Variants in RGPD3 observed in about 807,000 individuals in gnomAD.
RGPD3 encodes RANBP2 like and GRIP domain containing 3.
A neutral mutation model predicts 154.5 loss-of-function variants in RGPD3; 62 were observed. That is an observed-to-expected ratio of 0.40 (90% CI 0.33 to 0.50). The LOEUF (loss-of-function observed/expected upper bound fraction) is 0.50, where lower values mean the gene tolerates loss of function less well. Among genes scored for constraint, RGPD3 ranks in the 20% least tolerant of loss-of-function variants. RGPD3 has a pLI of 0.59. For missense variants in RGPD3, 919 were observed against 1,716.8 expected (o/e 0.54, Z 8.21); for synonymous variants, 308 against 607.0 (o/e 0.51, Z 7.24).
Position 106,424,251 on chromosome 2 carries a change from T to C in RGPD3, c.3716A>G (p.Asn1239Ser), listed in dbSNP as rs758691149. The C allele has an allele frequency of 8.0e-5, 129 of 1,611,908 alleles. No individual in the cohort carries two copies. The African/African-American group carries it at 1.5e-3, about 19-fold the overall frequency. Residue 1239 changes from asparagine to serine, a missense_variant, in exon 20 of 23, where the codon AAT becomes AGT. Transcript: ENST00000409886. ...AGASDTTIKP[N>S]AENTGPTLEW... is the part of the protein sequence containing the mutation. ...TAATGTGGGCCCAGTGTTTTCAGCA[T>C]TGGGTTTTATTGTTGTGTCTGAGGC...
In RGPD3 at chr2:106,418,224, C is replaced by T. The variant is rs369504160; in HGVS notation, c.4925-2235G>A. On this transcript the variant is annotated intron_variant, in intron 20 of 22. Coordinates refer to ENST00000409886, the MANE Select transcript of RGPD3 (RefSeq NM_001144013.2). ...ATAAATTAATTGCTACTAGCTAAGA[C>T]AAACTGTTAGATAACACAGCTCATA... is the stretch of plus-strand genomic sequence containing the variant. Among the ~76,000 whole-genome samples the T allele has an allele frequency of 8.3e-3, 1,064 of 127,472 alleles. 20 individuals are homozygous for T. The highest frequency in any genetic ancestry group is 0.031 in the East Asian group (64 of 2,044). 83.6% of individuals were successfully genotyped at this position (127,472 alleles called of 152,430 possible).
At chr2:106,447,642 T>C (rs2104497962) in intron 6 of RGPD3, 29 bp from the exon 7 acceptor site, 1 of 100,186 alleles carries the variant, frequency 1.0e-5, no homozygotes, top group East Asian at 3.1e-4. Context: ...AAACAGATGA[T>C]ACACACTTAC....
chr2:106,421,200 A>G (rs1676975816), intron 20 of RGPD3, among the ~76,000 whole-genome samples: 1 of 152,078 alleles, frequency 6.6e-6, no homozygotes. Context: ...TCATGTCTAA[A>G]GTCTTCATTT....
chr2:106,414,892 T>C (rs1676778170), intron 21 of RGPD3, among the ~76,000 whole-genome samples: 2 of 152,040 alleles, frequency 1.3e-5, no homozygotes, highest in Non-Finnish European at 1.5e-5. Context: ...GGGAAAAGCA[T>C]GTACTTTTCA....
At chr2:106,413,399 A>G (rs1676731684) in intron 21 of RGPD3, 114 bp from the exon 22 acceptor site, 1 of 1,215,292 alleles carries the variant, frequency 8.2e-7, no homozygotes, top group Non-Finnish European at 1.2e-6. Flanking sequence ...TTCCCTCCAT[A>G]TGGCAATAAA....
intron 6 of RGPD3, among the ~76,000 whole-genome samples, chr2:106,451,142 T>G (rs1309160024): frequency 2.0e-5 from 3 of 148,496 alleles, no homozygotes; most frequent in African/African-American, 7.5e-5. Context: ...GGAACCCACA[T>G]ACAAACATCT....
Position 106,413,295 on chromosome 2 carries a change from G to A in RGPD3, c.5065-10C>T, listed in dbSNP as rs1676729291. The A allele has an allele frequency of 6.2e-7, 1 of 1,611,610 alleles. No individual in the cohort carries two copies. The highest frequency in any genetic ancestry group is 1.3e-5 in the African/African-American group (1 of 74,786). On this transcript the variant is annotated splice_polypyrimidine_tract_variant and intron_variant, in intron 21 of 22. Coordinates refer to ENST00000409886, the MANE Select transcript of RGPD3 (RefSeq NM_001144013.2). Reference sequence around the variant, plus strand: ...TTTCACTTTTGAGAAGCTGGTGTTAGAGAAATGAGTTAAAAATGGGCTTTA... The same window carrying A: ...TTTCACTTTTGAGAAGCTGGTGTTAAAGAAATGAGTTAAAAATGGGCTTTA...
At chr2:106,451,842 T>A (rs1558857907) in intron 6 of RGPD3, among the ~76,000 whole-genome samples, 1 of 151,970 alleles carries the variant, frequency 6.6e-6, no homozygotes, top group Non-Finnish European at 1.5e-5. Flanking sequence ...AGCCATCTGA[T>A]GACAGATGAA....
rs1491421236 is a variant in RGPD3, at chr2:106,415,697, A to AAAAAAAAAAAAAAAAT, written c.5064+152_5064+153insATTTTTTTTTTTTTTT. Among the ~76,000 whole-genome samples the AAAAAAAAAAAAAAAAT allele has an allele frequency of 2.7e-4, 37 of 134,618 alleles. 1 individual carries two copies. The highest frequency in any genetic ancestry group is 1.1e-3 in the African/African-American group (37 of 32,814). 88.3% of individuals were successfully genotyped at this position (134,618 alleles called of 152,430 possible). A position where few individuals can be genotyped will look rare whatever the true frequency, so the allele number is the denominator to read the frequency against. Reference sequence around the variant, plus strand: ...CTCAAAAAAAAAAAAAAAAAAAAAAAGGCAATATTTCTCACCATCAGGAAT... The same window carrying AAAAAAAAAAAAAAAAT: ...CTCAAAAAAAAAAAAAAAAAAAAAAAAAAAAAAAAAAAAAATGGCAATATTTCTCACCATCAGGAAT... On this transcript the variant is annotated intron_variant, in intron 21 of 22. Coordinates refer to ENST00000409886, the MANE Select transcript of RGPD3 (RefSeq NM_001144013.2).
At chr2:106,462,056 G>C (rs1019725062) in intron 1 of RGPD3, among the ~76,000 whole-genome samples, 10 of 151,908 alleles carry the variant, frequency 6.6e-5, no homozygotes, top group Admixed American at 2.0e-4. Flanking sequence ...GCTAATTTTT[G>C]TATTTTCAGT....
At chr2:106,461,111 C>A (rs1379968793) in intron 1 of RGPD3, among the ~76,000 whole-genome samples, 1 of 90,068 alleles carries the variant, frequency 1.1e-5, no homozygotes, top group Admixed American at 1.3e-4. Context: ...TGGGGTGTCA[C>A]AACAAAACTA....
chr2:106,438,217 T>A (rs1206033800), intron 9 of RGPD3, among the ~76,000 whole-genome samples: 3 of 152,038 alleles, frequency 2.0e-5, no homozygotes, highest in South Asian at 4.2e-4. Flanking sequence ...TATGAGCCAC[T>A]GTGTCGGGCT....
At chr2:106,451,891 T>C (rs1180733858) in intron 6 of RGPD3, among the ~76,000 whole-genome samples, 1 of 151,224 alleles carries the variant, frequency 6.6e-6, no homozygotes, top group Non-Finnish European at 1.5e-5. Context: ...TATAAAAAAA[T>C]AAAATATGAA....
At chr2:106,421,169 C>A (rs1284823736) in intron 20 of RGPD3, among the ~76,000 whole-genome samples, 1 of 152,058 alleles carries the variant, frequency 6.6e-6, no homozygotes, top group African/African-American at 2.4e-5. Flanking sequence ...AATCAGATAG[C>A]CTCTCTTGGC....
At chr2:106,467,664 C>G (rs1469469919) in intron 1 of RGPD3, among the ~76,000 whole-genome samples, 40 of 135,998 alleles carry the variant, frequency 2.9e-4, no homozygotes, top group East Asian at 8.8e-4. Context: ...GAGCAGCGCC[C>G]GTCGGGAGCC....
chr2:106,448,270 G>A (rs1369937160), intron 6 of RGPD3, among the ~76,000 whole-genome samples: 10 of 152,306 alleles, frequency 6.6e-5, no homozygotes, highest in South Asian at 4.1e-4. Flanking sequence ...ACCATGCCCC[G>A]CTAAACTTTT....
At position 106,436,512 on chromosome 2, in the gene RGPD3, C is replaced by T. The variant is rs1677562720; in HGVS notation, c.1536G>A (p.Gln512=). ...EKCNSHHSSY[Q]PLCLPLPVCK... The stretch of plus-strand genomic sequence containing the variant: ...ACACAGGAAGGGGCAGGCATAACGG[C>T]TGATAGGAGCTGTGGTGAGAATTAC... The change falls in exon 11 of 23, where the codon CAG becomes CAA. Residue 512 remains glutamine, a synonymous_variant. Transcript: ENST00000409886. The T allele has an allele frequency of 6.2e-7, 1 of 1,611,480 alleles. No individual in the cohort carries two copies. The highest frequency in any genetic ancestry group is 8.5e-7 in the Non-Finnish European group (1 of 1,179,640).
At chr2:106,450,417 C>T (rs1162299964) in intron 6 of RGPD3, among the ~76,000 whole-genome samples, 14 of 149,264 alleles carry the variant, frequency 9.4e-5, no homozygotes, top group South Asian at 2.2e-4. Context: ...TAGGGTGGCA[C>T]CAGCTTTTTA....
intron 17 of RGPD3, among the ~76,000 whole-genome samples, chr2:106,432,086 A>G (rs966560493): frequency 6.7e-6 from 1 of 148,644 alleles, no homozygotes; most frequent in Non-Finnish European, 1.5e-5. Context: ...TATTTTAAAT[A>G]AAACAGTTTC....
Sources: allele counts gnomAD v4.1 joint callset (sites outside exome capture counted in the v4.1 genomes callset), GRCh38; gene constraint gnomAD v4.1.1; transcripts MANE v1.5; gene names NCBI Gene and HGNC (gene_info 2026-07-23, HGNC 2026-07-21).